AIG1: variants seen among roughly 807,000 people sequenced by gnomAD.
AIG1 encodes the protein androgen-induced gene 1 protein.
Under a neutral mutation model 31.4 loss-of-function variants are expected in AIG1, and 23 were observed. That is an observed-to-expected ratio of 0.73 (90% CI 0.53 to 1.04). The LOEUF is 1.04. Among genes scored for constraint, AIG1 ranks in the 50% least tolerant of loss-of-function variants. The pLI, the probability that AIG1 is intolerant of heterozygous loss-of-function variation, is 0.00. For synonymous variants in AIG1, 100 were observed against 110.5 expected (o/e 0.90, Z 0.60); for missense variants, 274 against 295.0 (o/e 0.93, Z 0.52).
intron 4 of AIG1, among the ~76,000 whole-genome samples, chr6:143,323,138 C>T (rs993696470): frequency 2.6e-5 from 4 of 152,152 alleles, no homozygotes; most frequent in East Asian, 1.9e-4. Context: ...CCCAAATATA[C>T]GTAGGCAGGA....
chr6:143,129,786 G>T lies in AIG1; in HGVS notation c.142-7049G>T, dbSNP rs569786459. ...ATACAAAAAATTGTTGAGTAATTTAGTTAAATTAGTTTCTTTTTCCTCTAT... is the reference window on the plus strand; with the variant it reads ...ATACAAAAAATTGTTGAGTAATTTATTTAAATTAGTTTCTTTTTCCTCTAT... On this transcript the variant is annotated intron_variant, in intron 1 of 5. Transcript: ENST00000357847. Among the ~76,000 whole-genome samples the T allele has an allele frequency of 9.6e-4, 146 of 151,766 alleles. 1 individual carries two copies. The Middle Eastern group carries it at 0.024, about 25-fold the overall frequency.
intron 1 of AIG1, among the ~76,000 whole-genome samples, chr6:143,082,093 C>G (rs988747926): frequency 6.6e-6 from 1 of 152,182 alleles, no homozygotes; most frequent in African/African-American, 2.4e-5. Context: ...AATTCCCTTT[C>G]TCTCCATATT....
chr6:143,187,462 A>C (rs1223310978), intron 3 of AIG1: 2 of 1,535,356 alleles, frequency 1.3e-6, no homozygotes, highest in African/African-American at 1.4e-5. Flanking sequence ...GAAGTTTGGC[A>C]CTCGACACTC....
chr6:143,231,685 A>T (rs1562510433), intron 3 of AIG1, among the ~76,000 whole-genome samples: 1 of 152,256 alleles, frequency 6.6e-6, no homozygotes, highest in Non-Finnish European at 1.5e-5. Context: ...ACCATCTAAC[A>T]GATAGCCAGT....
chr6:143,141,584 G>A (rs181604232), intron 2 of AIG1, among the ~76,000 whole-genome samples: 26 of 151,648 alleles, frequency 1.7e-4, no homozygotes, highest in Non-Finnish European at 2.9e-4. Context: ...CCATAAATAC[G>A]AAGCTGGCCT....
chr6:143,244,977 T>A (rs1368093576), intron 3 of AIG1, among the ~76,000 whole-genome samples: 1 of 152,138 alleles, frequency 6.6e-6, no homozygotes, highest in Non-Finnish European at 1.5e-5. Flanking sequence ...AACAACAGTT[T>A]AACCTTCAAA....
chr6:143,095,817 T>C (rs1031247349), intron 1 of AIG1, among the ~76,000 whole-genome samples: 1 of 151,140 alleles, frequency 6.6e-6, no homozygotes, highest in African/African-American at 2.4e-5. Context: ...GTAGAAATGA[T>C]ATAAAACTAA....
intron 4 of AIG1, among the ~76,000 whole-genome samples, chr6:143,321,115 C>T (rs151309130): frequency 5.9e-5 from 9 of 151,406 alleles, no homozygotes; most frequent in South Asian, 2.1e-4. Flanking sequence ...CCACTGCACC[C>T]GGCCGTGAGT....
chr6:143,170,082 C>A (rs1302840065), intron 3 of AIG1, among the ~76,000 whole-genome samples: 7 of 152,074 alleles, frequency 4.6e-5, no homozygotes, highest in Non-Finnish European at 7.4e-5. Flanking sequence ...ATTTTGGCAT[C>A]ATGGTAATGC....
chr6:143,144,188 A>T (rs1352259010), intron 2 of AIG1, among the ~76,000 whole-genome samples: 1 of 152,232 alleles, frequency 6.6e-6, no homozygotes, highest in South Asian at 2.1e-4. Context: ...TTTCACATAG[A>T]TGCCCACTTT....
chr6:143,094,548 G>C lies in AIG1; in HGVS notation c.141+33482G>C, dbSNP rs150757164. Reference sequence around the variant, plus strand: ...AAAATACCTTCTCAATAGAGCTGAGGTTTGTTGCATGGAGGCCTACAAAGC... The same window carrying C: ...AAAATACCTTCTCAATAGAGCTGAGCTTTGTTGCATGGAGGCCTACAAAGC... On this transcript the variant is annotated intron_variant, in intron 1 of 5. Transcript: ENST00000357847. 8.5e-5 allele frequency among the ~76,000 whole-genome samples: 13 copies of C among 152,254 alleles called. No homozygotes were observed. The East Asian group carries it at 2.5e-3, about 29-fold the overall frequency.
At chr6:143,059,619 A>T (rs975646240), upstream of AIG1, among the ~76,000 whole-genome samples, 2 of 152,198 alleles carry the variant, frequency 1.3e-5, no homozygotes, top group Admixed American at 6.5e-5. Flanking sequence ...CAATTAAAAA[A>T]ATCTAGTGGG....
At chr6:143,207,573 A>G (rs1209187806) in intron 3 of AIG1, among the ~76,000 whole-genome samples, 1 of 152,038 alleles carries the variant, frequency 6.6e-6, no homozygotes, top group African/African-American at 2.4e-5. Context: ...TGTGTCATAA[A>G]TACAGTGTCA....
intron 1 of AIG1, among the ~76,000 whole-genome samples, chr6:143,112,737 T>C (rs1389970644): frequency 1.3e-5 from 2 of 152,140 alleles, no homozygotes; most frequent in Non-Finnish European, 2.9e-5. Flanking sequence ...GTAAATATCC[T>C]CTCCAGGAAA....
At chr6:143,134,735 A>G (rs1045263216) in intron 1 of AIG1, among the ~76,000 whole-genome samples, 2 of 152,096 alleles carry the variant, frequency 1.3e-5, no homozygotes, top group African/African-American at 4.8e-5. Context: ...ATCGCATTCA[A>G]TAGAAACCAT....
At chr6:143,128,228 G>T (rs1366765956) in intron 1 of AIG1, among the ~76,000 whole-genome samples, 5 of 152,176 alleles carry the variant, frequency 3.3e-5, no homozygotes, top group Non-Finnish European at 5.9e-5. Context: ...TGGAATTTGA[G>T]TATACTTCCA....
In AIG1 at chr6:143,334,056, C is replaced by G. The variant is rs1425992513; in HGVS notation, c.679+611C>G. ...TCTTTTAACCTGTGATTTGATTTCT[C>G]TTTTGTTTCCATTTATGGCAGAGCC... On this transcript the variant is annotated intron_variant, in intron 5 of 5. Transcript: ENST00000357847. This position sits in a 1 kb window ranked among gnomAD's most constrained non-coding sequence, Gnocchi z 5.1. The G allele has an allele frequency of 6.5e-7, 1 of 1,550,300 alleles. No homozygotes were observed. The highest frequency in any genetic ancestry group is 8.7e-7 in the Non-Finnish European group (1 of 1,146,842).
At chr6:143,162,537 A>G (rs1036645016) in intron 2 of AIG1, among the ~76,000 whole-genome samples, 1 of 152,194 alleles carries the variant, frequency 6.6e-6, no homozygotes, top group Admixed American at 6.5e-5. Flanking sequence ...AGTGTGTACA[A>G]TCCCCTTCTG....
At chr6:143,342,586 G>C (rs142499735), downstream of AIG1, 1,449 of 1,021,256 alleles carry the variant, frequency 1.4e-3, 5 homozygotes, top group African/African-American at 0.017. Flanking sequence ...CTGTGCATTT[G>C]GATCAGCTGC....
Sources: gnomAD v4.1 joint callset for allele counts (sites outside exome capture counted in the v4.1 genomes callset) on GRCh38, gnomAD v4.1.1 for gene constraint, Gnocchi (gnomAD v3.1) non-coding constraint, MANE v1.5 for transcripts, NCBI Gene and HGNC (gene_info 2026-07-23, HGNC 2026-07-21) for gene names.